TMEM150C: variants seen among roughly 807,000 people sequenced by gnomAD.
The protein encoded by TMEM150C is tentonin 3.
In TMEM150C, 10 loss-of-function variants were observed where a neutral mutation model predicts 29.9. That is an observed-to-expected ratio of 0.33 (90% CI 0.21 to 0.57). The LOEUF (loss-of-function observed/expected upper bound fraction) is 0.57. Among genes scored for constraint, TMEM150C ranks in the 20% least tolerant of loss-of-function variants. TMEM150C has a pLI of 0.88. For missense variants in TMEM150C, 251 were observed against 303.6 expected (o/e 0.83, Z 1.29); for synonymous variants, 101 against 112.5 (o/e 0.90, Z 0.64).
At chr4:82,529,945 G>C (rs1724781821) in intron 1 of TMEM150C, among the ~76,000 whole-genome samples, 2 of 152,094 alleles carry the variant, frequency 1.3e-5, no homozygotes, top group African/African-American at 4.8e-5. Flanking sequence ...AGTAGAGGCT[G>C]AAAGTATGGA....
chr4:82,556,335 A>G (rs1012010204), intron 1 of TMEM150C, among the ~76,000 whole-genome samples: 3 of 152,222 alleles, frequency 2.0e-5, no homozygotes, highest in Non-Finnish European at 4.4e-5. Context: ...CTTGTTATAC[A>G]TGGAGGAGCC....
intron 1 of TMEM150C, among the ~76,000 whole-genome samples, chr4:82,552,909 G>A (rs75028312): frequency 1.3e-5 from 2 of 152,172 alleles, no homozygotes; most frequent in African/African-American, 4.8e-5. Context: ...CAGTGGAAGG[G>A]TGCTGCATCT....
At chr4:82,527,210 CA>C (rs1553907882) in intron 1 of TMEM150C, among the ~76,000 whole-genome samples, 1 of 151,830 alleles carries the variant, frequency 6.6e-6, no homozygotes, top group Admixed American at 6.6e-5. Context: ...AGAATGGACA[CA>C]AGAGACATTT....
intron 5 of TMEM150C, among the ~76,000 whole-genome samples, chr4:82,499,509 G>C (rs529343535): frequency 4.6e-5 from 7 of 152,070 alleles, no homozygotes; most frequent in Non-Finnish European, 8.8e-5. Context: ...ATCACCTGAG[G>C]TCAAGAGTTC....
At chr4:82,527,954 A>AAGGAGAGAGTGAAAAGGGGTCAT (rs377378375) in intron 1 of TMEM150C, among the ~76,000 whole-genome samples, 5,454 of 152,316 alleles carry the variant, frequency 0.036, 308 homozygotes, top group African/African-American at 0.12. Context: ...AAGAAAAGGC[A>AAGGAGAGAGTGAAAAGGGGTCAT]AGGAGCAGGA....
intron 2 of TMEM150C, among the ~76,000 whole-genome samples, chr4:82,503,844 G>A (rs541661721): frequency 7.3e-5 from 11 of 151,110 alleles, no homozygotes; most frequent in South Asian, 6.3e-4. Flanking sequence ...GCAAGACTCC[G>A]TCTCAAAAAA....
In TMEM150C at chr4:82,484,402, C is replaced by T. The variant is rs1296733400; in HGVS notation, c.*1109G>A. On this transcript the variant is annotated 3_prime_UTR_variant, in exon 8 of 8. Transcript: ENST00000449862. The stretch of plus-strand genomic sequence containing the variant: ...TTCTACAAATTCCAAATTTGAAAAG[C>T]CCTTAATCCAAAAAAAAAAAAAACC... The T allele has an allele frequency of 7.4e-6, 1 of 135,048 alleles. No homozygotes were observed. Among genetic ancestry groups the T allele is most frequent in the East Asian group, 2.0e-4 (1 of 4,978 alleles). The allele number at this position is 135,048 out of a possible 1,614,324, so 8.4% of individuals were successfully genotyped here.
At chr4:82,509,672 G>A (rs1191549666) in intron 1 of TMEM150C, 1 of 152,100 alleles carries the variant, frequency 6.6e-6, no homozygotes, top group African/African-American at 2.4e-5. Flanking sequence ...GCACGCACCT[G>A]TAGTCCCAGC....
chr4:82,500,375 T>C (rs1723699611), intron 5 of TMEM150C, among the ~76,000 whole-genome samples: 2 of 152,228 alleles, frequency 1.3e-5, no homozygotes, highest in African/African-American at 4.8e-5. Context: ...ATCCACAGTT[T>C]AGAGGAGGAA....
chr4:82,556,268 G>A (rs893530833), intron 1 of TMEM150C, among the ~76,000 whole-genome samples: 10 of 152,170 alleles, frequency 6.6e-5, no homozygotes, highest in Non-Finnish European at 1.0e-4. Flanking sequence ...GTGAGCCAAC[G>A]TGCCCAGACT....
rs147713160 is a variant in TMEM150C, at chr4:82,499,503, C to T, written c.235+3224G>A. ...TTGGGAGGCCGAGGCTGGTGGATCA[C>T]CTGAGGTCAAGAGTTCGTGACCAGC... On this transcript the variant is annotated intron_variant, in intron 5 of 7. Coordinates refer to ENST00000449862, the MANE Select transcript of TMEM150C (RefSeq NM_001080506.3). Among the ~76,000 whole-genome samples the T allele has an allele frequency of 4.7e-4, 71 of 152,102 alleles. No homozygotes were observed. The East Asian group carries it at 8.9e-3, about 19-fold the overall frequency.
intron 1 of TMEM150C, among the ~76,000 whole-genome samples, chr4:82,507,725 CTCTTTTTTTTTTTTTTTTTTT>C (rs1239577931): frequency 1.4e-4 from 4 of 27,862 alleles, no homozygotes; most frequent in Non-Finnish European, 2.2e-4. Flanking sequence ...CTCTCTCTCT[CTCTTTTTTTTTTTTTTTTTTT>C]TTTTTTTTTT....
chr4:82,492,728 G>T (rs1221302399), intron 6 of TMEM150C, among the ~76,000 whole-genome samples: 1 of 129,830 alleles, frequency 7.7e-6, no homozygotes, highest in Non-Finnish European at 1.6e-5. Flanking sequence ...ATATTTTTCA[G>T]ATTATCACCA....
intron 1 of TMEM150C, among the ~76,000 whole-genome samples, chr4:82,518,623 A>C (rs1467283877): frequency 2.6e-5 from 4 of 152,126 alleles, no homozygotes; most frequent in Non-Finnish European, 4.4e-5. Context: ...TCATCCTTTG[A>C]GACATACGAG....
intron 2 of TMEM150C, 98 bp from the exon 3 acceptor site, chr4:82,503,210 T>C (rs1723793087): frequency 6.0e-6 from 5 of 832,144 alleles, no homozygotes; most frequent in Non-Finnish European, 7.6e-6. Context: ...TCATATTCAT[T>C]TTTTCTAACT....
At chr4:82,486,783 G>GAT (rs981321236) in intron 7 of TMEM150C, among the ~76,000 whole-genome samples, 1 of 151,786 alleles carries the variant, frequency 6.6e-6, no homozygotes, top group African/African-American at 2.4e-5. Context: ...CTTATGCCTG[G>GAT]ATATATATAT....
At chr4:82,530,321 G>A (rs1724798026) in intron 1 of TMEM150C, among the ~76,000 whole-genome samples, 1 of 152,092 alleles carries the variant, frequency 6.6e-6, no homozygotes, top group Non-Finnish European at 1.5e-5. Flanking sequence ...ACTTTGGGAG[G>A]CAGAGGCGGG....
intron 1 of TMEM150C, among the ~76,000 whole-genome samples, chr4:82,540,582 AC>A (rs1312709011): frequency 6.6e-6 from 1 of 152,026 alleles, no homozygotes; most frequent in Non-Finnish European, 1.5e-5. Flanking sequence ...GGAAATGCAA[AC>A]CCTTGCAAAG....
intron 1 of TMEM150C, among the ~76,000 whole-genome samples, chr4:82,536,641 C>A (rs1725016949): frequency 6.6e-6 from 1 of 151,758 alleles, no homozygotes; most frequent in African/African-American, 2.4e-5. Flanking sequence ...CCTCAGGAGG[C>A]AGAGGTGGGA....
Sources: allele counts gnomAD v4.1 joint callset (sites outside exome capture counted in the v4.1 genomes callset), GRCh38; gene constraint gnomAD v4.1.1; transcripts MANE v1.5; gene names NCBI Gene and HGNC (gene_info 2026-07-23, HGNC 2026-07-21).